The following DPYD variants were observed in gnomAD, a reference collection of about 807,000 sequenced individuals.
DPYD encodes the protein dihydropyrimidine dehydrogenase [NADP(+)].
Under a neutral mutation model 116.2 loss-of-function variants are expected in DPYD, and 109 were observed. The observed-to-expected ratio is 0.94, with a 90% CI of 0.80 to 1.10. The LOEUF is 1.10. Ranked by LOEUF, DPYD falls within the 50% of genes least tolerant of loss-of-function variation. The pLI is 0.00. For synonymous variants in DPYD, 440 were observed against 432.0 expected (o/e 1.02, Z -0.23); for missense variants, 1,302 against 1,254.5 (o/e 1.04, Z -0.57).
chr1:97,228,266 T>C (rs1661328452), intron 19 of DPYD, among the ~76,000 whole-genome samples: 1 of 152,046 alleles, frequency 6.6e-6, no homozygotes, highest in Non-Finnish European at 1.5e-5. Context: ...GTGATGCATA[T>C]AAAGCAATAA....
intron 13 of DPYD, among the ~76,000 whole-genome samples, chr1:97,474,787 G>A (rs12117481): frequency 0.28 from 42,781 of 150,926 alleles, 6,326 homozygotes; most frequent in Middle Eastern, 0.37. Flanking sequence ...TGAGATATAT[G>A]TTATAATTAT....
intron 1 of DPYD, among the ~76,000 whole-genome samples, chr1:97,920,121 T>C (rs1674431620): frequency 6.6e-6 from 1 of 152,232 alleles, no homozygotes; most frequent in African/African-American, 2.4e-5. Context: ...GTTTAGTATG[T>C]GTAAAATCAC....
At chr1:97,658,385 A>G (rs1659061454) in intron 8 of DPYD, among the ~76,000 whole-genome samples, 1 of 152,146 alleles carries the variant, frequency 6.6e-6, no homozygotes, top group Admixed American at 6.6e-5. Flanking sequence ...GTTGAAAATA[A>G]TTATTTTGAC....
intron 12 of DPYD, among the ~76,000 whole-genome samples, chr1:97,520,356 G>A (rs760462437): frequency 3.3e-5 from 5 of 152,166 alleles, no homozygotes; most frequent in South Asian, 2.1e-4. Flanking sequence ...TTACTCATGC[G>A]TTAAACTCTT....
intron 13 of DPYD, among the ~76,000 whole-genome samples, chr1:97,459,306 A>G (rs1210683868): frequency 2.0e-5 from 3 of 152,168 alleles, no homozygotes; most frequent in Non-Finnish European, 4.4e-5. Flanking sequence ...ATAGCTTAAC[A>G]AGGTAAAGGA....
intron 14 of DPYD, among the ~76,000 whole-genome samples, chr1:97,382,967 T>C (rs1334252280): frequency 2.0e-5 from 3 of 152,190 alleles, no homozygotes; most frequent in Non-Finnish European, 4.4e-5. Context: ...TAGTGCATTA[T>C]AGTTTTAAAT....
intron 16 of DPYD, among the ~76,000 whole-genome samples, chr1:97,338,833 A>G (rs1462114457): frequency 6.6e-6 from 1 of 152,088 alleles, no homozygotes; most frequent in African/African-American, 2.4e-5. Flanking sequence ...CAAAATCTAC[A>G]TTACAAGGAA....
chr1:97,697,733 T>C (rs1384000167), intron 6 of DPYD, among the ~76,000 whole-genome samples: 2 of 152,066 alleles, frequency 1.3e-5, no homozygotes, highest in African/African-American at 2.4e-5. Flanking sequence ...AGTACTAATT[T>C]ATATGAATTA....
chr1:97,175,725 A>C (rs1657203594), intron 20 of DPYD, among the ~76,000 whole-genome samples: 1 of 152,162 alleles, frequency 6.6e-6, no homozygotes, highest in South Asian at 2.1e-4. Flanking sequence ...TAAACCACCT[A>C]ATGCATACCT....
chr1:97,887,254 T>C (rs915470131), intron 1 of DPYD, among the ~76,000 whole-genome samples: 1 of 151,602 alleles, frequency 6.6e-6, no homozygotes, highest in Non-Finnish European at 1.5e-5. Context: ...GCAAGTGGAC[T>C]GCTTGAGGAA....
intron 11 of DPYD, among the ~76,000 whole-genome samples, chr1:97,563,454 C>A (rs916157072): frequency 6.6e-6 from 1 of 152,154 alleles, no homozygotes; most frequent in African/African-American, 2.4e-5. Context: ...GAAACAATTA[C>A]GTTATTTTTT....
chr1:97,835,334 A>G (rs1019837115), intron 2 of DPYD, among the ~76,000 whole-genome samples: 1 of 152,130 alleles, frequency 6.6e-6, no homozygotes, highest in Admixed American at 6.5e-5. Flanking sequence ...TATTGTAAAG[A>G]TTAAAGTAAA....
chr1:97,628,064 A>G (rs955372097), intron 8 of DPYD, among the ~76,000 whole-genome samples: 8 of 152,028 alleles, frequency 5.3e-5, no homozygotes, highest in African/African-American at 1.7e-4. Context: ...ATTGAGGCAC[A>G]GACTCTTCAT....
At chr1:97,458,748 G>T (rs979419120) in intron 13 of DPYD, among the ~76,000 whole-genome samples, 2 of 152,148 alleles carry the variant, frequency 1.3e-5, no homozygotes, top group Admixed American at 1.3e-4. Flanking sequence ...TCTCTTCTAA[G>T]AATCTTAACC....
intron 5 of DPYD, among the ~76,000 whole-genome samples, chr1:97,709,233 T>C (rs1030442698): frequency 1.3e-5 from 2 of 151,942 alleles, no homozygotes; most frequent in Admixed American, 6.6e-5. Context: ...AACAAGATTT[T>C]GATGAATTTC....
At chr1:97,524,202 A>G (rs1648890658) in intron 12 of DPYD, among the ~76,000 whole-genome samples, 1 of 152,184 alleles carries the variant, frequency 6.6e-6, no homozygotes, top group South Asian at 2.1e-4. Flanking sequence ...GGTCCCTTAG[A>G]TGCAGAAAAG....
chr1:97,395,011 A>AT (rs1672934324), intron 14 of DPYD, among the ~76,000 whole-genome samples: 1 of 151,844 alleles, frequency 6.6e-6, no homozygotes, highest in Non-Finnish European at 1.5e-5. Flanking sequence ...ATTTTCGATC[A>AT]TTTTCTCTAG....
At chr1:97,199,052 G>A (rs1014939560) in intron 19 of DPYD, among the ~76,000 whole-genome samples, 3 of 152,098 alleles carry the variant, frequency 2.0e-5, no homozygotes, top group Non-Finnish European at 4.4e-5. Context: ...ACAAATACCT[G>A]GATGGTAACA....
intron 20 of DPYD, among the ~76,000 whole-genome samples, chr1:97,164,091 C>T (rs930332287): frequency 1.3e-5 from 2 of 152,152 alleles, no homozygotes; most frequent in African/African-American, 4.8e-5. Context: ...ACCAAGTAGG[C>T]TTTATCCCTG....
Sources: gnomAD v4.1 joint callset for allele counts (sites outside exome capture counted in the v4.1 genomes callset) on GRCh38, gnomAD v4.1.1 for gene constraint, MANE v1.5 for transcripts, NCBI Gene and HGNC (gene_info 2026-07-23, HGNC 2026-07-21) for gene names.